The following TCERG1 variants were observed in gnomAD, a reference collection of about 807,000 sequenced individuals.
TCERG1 encodes the protein transcription elongation regulator 1, also known as TATA box binding protein (TBP)-associated factor, RNA polymerase II, S, 150kD.
TCERG1 carries 37 observed loss-of-function variants against 144.7 expected under a neutral mutation model. The ratio of observed to expected loss-of-function variants is 0.26; its 90% CI spans 0.20 to 0.34. The LOEUF (loss-of-function observed/expected upper bound fraction) is 0.34. TCERG1 is among the 10% of genes least tolerant of loss of function. The probability of loss-of-function intolerance (pLI) is 1.00; values close to 1 mark genes in which losing one functional copy is unlikely to be tolerated. For synonymous variants in TCERG1, 492 were observed against 458.2 expected (o/e 1.07, Z -0.94); for missense variants, 1,027 against 1,380.7 (o/e 0.74, Z 4.06).
chr5:146,491,746 GC>G (rs1766446735), intron 15 of TCERG1, among the ~76,000 whole-genome samples: 3 of 152,160 alleles, frequency 2.0e-5, no homozygotes, highest in South Asian at 2.1e-4. Flanking sequence ...CAGGCAGTCA[GC>G]AAATTTTTAA....
intron 1 of TCERG1, among the ~76,000 whole-genome samples, chr5:146,452,974 A>AT (rs1762487449): frequency 6.6e-6 from 1 of 152,174 alleles, no homozygotes; most frequent in Non-Finnish European, 1.5e-5. Context: ...ATAAACTGAG[A>AT]TTAATAGTAT....
At chr5:146,457,472 G>A in intron 3 of TCERG1, 137 bp downstream of exon 3, 1 of 834,052 alleles carries the variant, frequency 1.2e-6, no homozygotes, top group Non-Finnish European at 1.8e-6. Flanking sequence ...AAGACTTCAG[G>A]AGAAGCTGAC....
At chr5:146,501,023 A>G (rs1378060707) in intron 17 of TCERG1, among the ~76,000 whole-genome samples, 1 of 152,014 alleles carries the variant, frequency 6.6e-6, no homozygotes, top group African/African-American at 2.4e-5. Flanking sequence ...AAAAAAAGAA[A>G]AAAAAGTCTA....
intron 12 of TCERG1, 179 bp downstream of exon 12, chr5:146,480,273 T>C: frequency 2.3e-6 from 1 of 432,996 alleles, no homozygotes; most frequent in Non-Finnish European, 4.2e-6. Context: ...CTTCTTTTGC[T>C]AGATTTGTAG....
At chr5:146,495,192 G>A (rs1766775527) in intron 16 of TCERG1, among the ~76,000 whole-genome samples, 1 of 152,086 alleles carries the variant, frequency 6.6e-6, no homozygotes. Flanking sequence ...AAATGCTTGA[G>A]ACCAGAAGTC....
intron 4 of TCERG1, among the ~76,000 whole-genome samples, chr5:146,463,145 A>G (rs1190134623): frequency 6.6e-6 from 1 of 151,994 alleles, no homozygotes; most frequent in Non-Finnish European, 1.5e-5. Flanking sequence ...CTTGCCTTCA[A>G]TTTTCTAAAC....
At chr5:146,471,983 A>T (rs952259854) in intron 9 of TCERG1, among the ~76,000 whole-genome samples, 1 of 152,160 alleles carries the variant, frequency 6.6e-6, no homozygotes, top group African/African-American at 2.4e-5. Context: ...TGTATGTCAA[A>T]TATGTTTTTA....
intron 13 of TCERG1, 125 bp from the exon 14 acceptor site, chr5:146,482,467 T>G: frequency 1.2e-6 from 1 of 859,858 alleles, no homozygotes; most frequent in Non-Finnish European, 1.7e-6. Flanking sequence ...CTCAATATAA[T>G]TTGTTTTTGC....
chr5:146,510,787 A>G lies in TCERG1; in HGVS notation c.*145A>G, dbSNP rs1443537280. The G allele has an allele frequency of 5.9e-6, 4 of 672,742 alleles. No individual in the cohort carries two copies. The East Asian group carries it at 1.2e-4, about 20-fold the overall frequency. 41.7% of individuals were successfully genotyped at this position (672,742 alleles called of 1,614,324 possible). On this transcript the variant is annotated 3_prime_UTR_variant, in exon 23 of 23. Coordinates refer to ENST00000679501, the MANE Select transcript of TCERG1 (RefSeq NM_001382548.1). ...AAGCATTTGTGAACAGTTTCTGAAC[A>G]GAACACTTTGGAAATATTTATGCTT... is the stretch of plus-strand genomic sequence containing the variant.
chr5:146,500,862 G>A (rs946694093), intron 17 of TCERG1, among the ~76,000 whole-genome samples: 2 of 152,060 alleles, frequency 1.3e-5, no homozygotes, highest in African/African-American at 4.8e-5. Flanking sequence ...CAAAAAAATA[G>A]CTGGTTGTAG....
intron 15 of TCERG1, among the ~76,000 whole-genome samples, chr5:146,487,872 A>G (rs548705110): frequency 2.0e-5 from 3 of 150,694 alleles, no homozygotes; most frequent in African/African-American, 7.5e-5. Flanking sequence ...TGTAGTAACT[A>G]AAACAGTACG....
chr5:146,453,616 A>G (rs1762545750), intron 1 of TCERG1, among the ~76,000 whole-genome samples: 1 of 152,174 alleles, frequency 6.6e-6, no homozygotes, highest in South Asian at 2.1e-4. Context: ...TCCTCCTGTT[A>G]GTACAGAATC....
At chr5:146,494,032 A>C (rs1766660898) in intron 16 of TCERG1, among the ~76,000 whole-genome samples, 1 of 152,160 alleles carries the variant, frequency 6.6e-6, no homozygotes, top group African/African-American at 2.4e-5. Flanking sequence ...TAAAAGTTTT[A>C]GAAAATAAAG....
intron 15 of TCERG1, among the ~76,000 whole-genome samples, chr5:146,484,088 T>A (rs1260356834): frequency 6.6e-6 from 1 of 152,184 alleles, no homozygotes; most frequent in Admixed American, 6.5e-5. Context: ...TATGTGTCAG[T>A]ATGTACATAT....
rs1349092324 is a variant in TCERG1, at chr5:146,470,628, T to C, written c.1400-8T>C. On this transcript the variant is annotated splice_polypyrimidine_tract_variant and splice_region_variant and intron_variant, in intron 7 of 22. Transcript: ENST00000679501. ...CTTTGAGTGACATTATCTTAATTTT[T>C]TTCATAGAAAAGTTAGAAGAGAAGA... 9 of 1,589,608 alleles carry C rather than the reference T, an allele frequency of 5.7e-6. No individual in the cohort carries two copies. The highest frequency in any genetic ancestry group is 7.7e-6 in the Non-Finnish European group (9 of 1,173,412).
At chr5:146,466,499 CTG>C (rs2150351728) in intron 5 of TCERG1, among the ~76,000 whole-genome samples, 1 of 152,126 alleles carries the variant, frequency 6.6e-6, no homozygotes, top group African/African-American at 2.4e-5. Context: ...ACTTAACTGT[CTG>C]TGACATTGGA....
At chr5:146,472,736 C>T (rs1039034487) in intron 9 of TCERG1, among the ~76,000 whole-genome samples, 1 of 96,882 alleles carries the variant, frequency 1.0e-5, no homozygotes, top group Admixed American at 1.1e-4. Flanking sequence ...TGTTTTGAGA[C>T]GGAGTCTTGC....
At chr5:146,472,255 G>C (rs1764386134) in intron 9 of TCERG1, among the ~76,000 whole-genome samples, 1 of 152,018 alleles carries the variant, frequency 6.6e-6, no homozygotes, top group African/African-American at 2.4e-5. Flanking sequence ...ATTTTATAGT[G>C]CTCCACTATC....
chr5:146,472,593 G>A (rs755575282), intron 9 of TCERG1, among the ~76,000 whole-genome samples: 5 of 151,784 alleles, frequency 3.3e-5, no homozygotes, highest in Non-Finnish European at 7.4e-5. Flanking sequence ...TCCTCTCCTC[G>A]GGTGTCCATT....
Sources: gnomAD v4.1 joint callset for allele counts (sites outside exome capture counted in the v4.1 genomes callset) on GRCh38, gnomAD v4.1.1 for gene constraint, MANE v1.5 for transcripts, NCBI Gene and HGNC (gene_info 2026-07-23, HGNC 2026-07-21) for gene names.